The following NUP62 variants were observed in gnomAD, a reference collection of about 807,000 sequenced individuals.
NUP62 encodes the protein nucleoporin 62.
For missense variants in NUP62, 647 were observed against 689.4 expected (o/e 0.94, Z 0.69); for synonymous variants, 305 against 303.4 (o/e 1.01, Z -0.05).
At chr19:49,924,873 A>G (rs1255705855) in intron 2 of NUP62, among the ~76,000 whole-genome samples, 1 of 152,078 alleles carries the variant, frequency 6.6e-6, no homozygotes, top group Non-Finnish European at 1.5e-5. Flanking sequence ...AACGGTGGGG[A>G]GGGGAAGCAG....
intron 2 of NUP62, among the ~76,000 whole-genome samples, chr19:49,925,734 C>T (rs1194771282): frequency 6.6e-6 from 1 of 152,088 alleles, no homozygotes; most frequent in African/African-American, 2.4e-5. Flanking sequence ...TGGTCAGAAT[C>T]AAGAATGGCA....
At position 49,909,118 on chromosome 19, in the gene NUP62, G is replaced by T; in HGVS notation, c.690C>A (p.Thr230=). The change falls in exon 3 of 3, where the codon ACC becomes ACA. Residue 230 remains threonine, a synonymous_variant. Coordinates refer to ENST00000352066, the MANE Select transcript of NUP62 (RefSeq NM_016553.5). Reference sequence around the variant, plus strand: ...GGGAGAGTCCAGTGGTGGCAGATGAGGTTGGAGCAGTTGCTATTGACGCAA... The same window carrying T: ...GGGAGAGTCCAGTGGTGGCAGATGATGTTGGAGCAGTTGCTATTGACGCAA... The part of the protein sequence containing the change: ...SLFASIATAP[T]SSATTGLSLC... 6.2e-7 allele frequency: 1 copy of T among 1,612,560 alleles called. No individual in the cohort carries two copies.
At chr19:49,927,612 T>G (rs2075933850) in intron 2 of NUP62, 82 bp downstream of exon 2, 1 of 152,174 alleles carries the variant, frequency 6.6e-6, no homozygotes, top group Admixed American at 6.5e-5. Flanking sequence ...GGACAGTAAG[T>G]GCTCTAAGGG....
At chr19:49,924,237 C>T (rs569221134) in intron 2 of NUP62, among the ~76,000 whole-genome samples, 8 of 152,146 alleles carry the variant, frequency 5.3e-5, no homozygotes, top group African/African-American at 1.9e-4. Flanking sequence ...CCTTACCTCT[C>T]GGGACCTCAG....
chr19:49,907,397 A>G lies in NUP62; in HGVS notation c.*842T>C, dbSNP rs1039748960. The stretch of plus-strand genomic sequence containing the variant: ...AACACCCTGTGTGTGCAGGCCCCTC[A>G]GCTGACCTGTCTTCTGTGAAATTCT... On this transcript the variant is annotated 3_prime_UTR_variant, in exon 3 of 3. Coordinates refer to ENST00000352066, the MANE Select transcript of NUP62 (RefSeq NM_016553.5). 5.3e-6 allele frequency: 2 copies of G among 380,706 alleles called. No homozygotes were observed. The highest frequency in any genetic ancestry group is 4.4e-5 in the African/African-American group (2 of 45,254). 23.6% of individuals were successfully genotyped at this position (380,706 alleles called of 1,614,324 possible).
At chr19:49,913,667 T>G (rs1272861088) in intron 2 of NUP62, among the ~76,000 whole-genome samples, 2 of 152,242 alleles carry the variant, frequency 1.3e-5, no homozygotes. Flanking sequence ...ATCTCTCCCC[T>G]TTGCTGTTTT....
At chr19:49,912,983 C>CT (rs1485173367) in intron 2 of NUP62, 2 of 150,058 alleles carry the variant, frequency 1.3e-5, no homozygotes, top group African/African-American at 4.9e-5. Context: ...GCCACGGTCC[C>CT]TGCCCTCAAG....
intron 2 of NUP62, among the ~76,000 whole-genome samples, chr19:49,914,726 G>GTTTTGTTTTTTTTT (rs2075575701): frequency 1.8e-5 from 1 of 56,364 alleles, no homozygotes; most frequent in Admixed American, 2.8e-4. Flanking sequence ...CCAAGTCCCA[G>GTTTTGTTTTTTTTT]TTTTTTTTTT....
In NUP62 at chr19:49,909,737, G is replaced by A. The variant is rs368912855; in HGVS notation, c.71C>T (p.Ala24Val). The A allele has an allele frequency of 2.0e-5, 33 of 1,614,016 alleles. No individual in the cohort carries two copies. The highest frequency in any genetic ancestry group is 2.6e-5 in the Non-Finnish European group (31 of 1,180,038). The change falls in exon 3 of 3, where the codon GCA (alanine) becomes GTA (valine). Residue 24 changes from alanine to valine, a missense_variant. Coordinates refer to ENST00000352066, the MANE Select transcript of NUP62 (RefSeq NM_016553.5). Reference protein sequence around the residue: ...GGFTFGTAKTATTTPATGFSF... With the variant: ...GGFTFGTAKTVTTTPATGFSF... ...AAACCCTGTAGCAGGTGTGGTTGTT[G>A]CCGTCTTTGCAGTGCCAAACGTGAA...
intron 2 of NUP62, among the ~76,000 whole-genome samples, chr19:49,912,465 G>A (rs1043779582): frequency 2.7e-5 from 4 of 150,450 alleles, no homozygotes; most frequent in African/African-American, 9.7e-5. Flanking sequence ...CACTGCGCCC[G>A]GCCAACAGTT....
At chr19:49,910,547 C>T (rs745508413) in intron 2 of NUP62, among the ~76,000 whole-genome samples, 1 of 152,164 alleles carries the variant, frequency 6.6e-6, no homozygotes, top group Non-Finnish European at 1.5e-5. Flanking sequence ...AGACCTGAGC[C>T]AGGCAATCGG....
chr19:49,912,325 C>T (rs188806374), intron 2 of NUP62, among the ~76,000 whole-genome samples: 31 of 152,214 alleles, frequency 2.0e-4, no homozygotes, highest in African/African-American at 6.5e-4. Context: ...CATGCCACCA[C>T]GCCCGGCTAA....
At chr19:49,916,750 C>T (rs1204860219) in intron 2 of NUP62, among the ~76,000 whole-genome samples, 5 of 151,800 alleles carry the variant, frequency 3.3e-5, no homozygotes, top group East Asian at 3.9e-4. Context: ...GGAGACAGAG[C>T]GAGACTCCGT....
Position 49,909,246 on chromosome 19 carries a change from A to G in NUP62, c.562T>C (p.Leu188=). ...GCTGGCGTGGCCGGAGTGAAGGGCAACGTGGCAGGTGCCGTGGGCTGGGCT... is the reference window on the plus strand; with the variant it reads ...GCTGGCGTGGCCGGAGTGAAGGGCAGCGTGGCAGGTGCCGTGGGCTGGGCT... ...NSAQPTAPAT[L]PFTPATPAAT... is the part of the protein sequence containing the mutation. Residue 188 remains leucine, a synonymous_variant, in exon 3 of 3, where the codon TTG becomes CTG. Coordinates refer to ENST00000352066, the MANE Select transcript of NUP62 (RefSeq NM_016553.5). 1 of 1,614,026 alleles carries G rather than the reference A, an allele frequency of 6.2e-7. No homozygotes were observed. Among genetic ancestry groups the G allele is most frequent in the African/African-American group, 1.3e-5 (1 of 74,996 alleles).
chr19:49,923,433 G>A (rs910163759), intron 2 of NUP62, among the ~76,000 whole-genome samples: 1 of 152,238 alleles, frequency 6.6e-6, no homozygotes, highest in Admixed American at 6.5e-5. Context: ...TTCTGGGAAT[G>A]AGGAGGGCCC....
At position 49,909,902 on chromosome 19, in the gene NUP62, A is replaced by AC. The variant is rs1209063973; in HGVS notation, c.-77-19dup. 1 of 1,373,434 alleles carries AC rather than the reference A, an allele frequency of 7.3e-7. No homozygotes were observed. The highest frequency in any genetic ancestry group is 1.4e-5 in the African/African-American group (1 of 69,652). 85.1% of individuals were successfully genotyped at this position (1,373,434 alleles called of 1,614,324 possible). The stretch of plus-strand genomic sequence containing the variant: ...GAAGATTTCTAAAGCAGAGGAAGTG[A>AC]CATTGTCAGATGGCAGTTTTGGAAA... On this transcript the variant is annotated intron_variant, in intron 2 of 2. Transcript: ENST00000352066.
chr19:49,907,313 TG>T lies in NUP62; in HGVS notation c.*925del. 1 of 309,988 alleles carries T rather than the reference TG, an allele frequency of 3.2e-6. No individual in the cohort carries two copies. Among genetic ancestry groups the T allele is most frequent in the Non-Finnish European group, 6.2e-6 (1 of 160,828 alleles). The allele number at this position is 309,988 out of a possible 1,614,324, so 19.2% of individuals were successfully genotyped here. ...TTCCTGGAGGAGGTGAGGCCCAAGG[TG>T]GGGGTGAGCCTGGGCCAGGCAAAAG... On this transcript the variant is annotated 3_prime_UTR_variant, in exon 3 of 3. Coordinates refer to ENST00000352066, the MANE Select transcript of NUP62 (RefSeq NM_016553.5).
intron 2 of NUP62, among the ~76,000 whole-genome samples, chr19:49,923,353 A>G (rs1319671448): frequency 6.6e-6 from 1 of 152,172 alleles, no homozygotes; most frequent in Admixed American, 6.5e-5. Flanking sequence ...CTCTGTGCTG[A>G]GCAACTCATT....
chr19:49,913,756 C>T (rs963337722), intron 2 of NUP62, among the ~76,000 whole-genome samples: 1 of 152,188 alleles, frequency 6.6e-6, no homozygotes, highest in African/African-American at 2.4e-5. Context: ...TGAGTCTTAG[C>T]TCATCACTGA....
Sources: allele counts gnomAD v4.1 joint callset (sites outside exome capture counted in the v4.1 genomes callset), GRCh38; gene constraint gnomAD v4.1.1; transcripts MANE v1.5; gene names NCBI Gene and HGNC (gene_info 2026-07-23, HGNC 2026-07-21).